The following NFAT5 variants were observed in gnomAD, a reference collection of about 807,000 sequenced individuals.
NFAT5 encodes the protein nuclear factor of activated T cells 5, also known as nuclear factor of activated T-cells 5.
Under a neutral mutation model 166.5 loss-of-function variants are expected in NFAT5, and 31 were observed. The observed-to-expected ratio is 0.19, with a 90% CI of 0.14 to 0.25. NFAT5 has a LOEUF of 0.25. Ranked by LOEUF, NFAT5 falls within the 10% of genes least tolerant of loss-of-function variation. NFAT5 has a pLI of 1.00. For missense variants in NFAT5, 1,449 were observed against 1,821.8 expected, an observed-to-expected ratio of 0.80 and a Z score of 3.72; for synonymous variants, 612 against 639.7, an observed-to-expected ratio of 0.96 and a Z score of 0.65.
chr16:69,660,954 G>A (rs2036100603), intron 7 of NFAT5, among the ~76,000 whole-genome samples: 1 of 151,848 alleles, frequency 6.6e-6, no homozygotes, highest in African/African-American at 2.4e-5. Flanking sequence ...GATTACAGGT[G>A]TGTGCCACTA....
In NFAT5 at chr16:69,690,911, CTT is replaced by C. The variant is rs1018450608; in HGVS notation, c.1775-26_1775-25del. On this transcript the variant is annotated intron_variant, in intron 11 of 14. Coordinates refer to ENST00000349945, the MANE Select transcript of NFAT5 (RefSeq NM_138713.4). Reference sequence around the variant, plus strand: ...AGTTGGTAAATTTTGTGATTTTAAACTTTTCTTTTTGTGTGTGTGTATATGCA... The same window carrying C: ...AGTTGGTAAATTTTGTGATTTTAAACTTCTTTTTGTGTGTGTGTATATGCA... The C allele has an allele frequency of 2.8e-6, 4 of 1,439,610 alleles. No individual in the cohort carries two copies. In the African/African-American group the frequency reaches 5.8e-5, roughly 21 times the overall value. 89.2% of individuals were successfully genotyped at this position (1,439,610 alleles called of 1,614,324 possible).
chr16:69,591,000 C>T (rs1213437374), intron 2 of NFAT5, among the ~76,000 whole-genome samples: 1 of 152,136 alleles, frequency 6.6e-6, no homozygotes, highest in African/African-American at 2.4e-5. Flanking sequence ...GGCGTAATCT[C>T]GGCTCACTGC....
intron 11 of NFAT5, among the ~76,000 whole-genome samples, chr16:69,686,754 C>T (rs940692779): frequency 6.6e-6 from 1 of 151,840 alleles, no homozygotes; most frequent in Non-Finnish European, 1.5e-5. Flanking sequence ...ATCCCAGCTG[C>T]TTGGGAGATT....
intron 2 of NFAT5, among the ~76,000 whole-genome samples, chr16:69,584,906 A>G (rs901170098): frequency 5.9e-5 from 9 of 152,134 alleles, no homozygotes; most frequent in African/African-American, 2.2e-4. Flanking sequence ...TAAAATATGT[A>G]TATATATACA....
intron 7 of NFAT5, among the ~76,000 whole-genome samples, chr16:69,667,137 A>T (rs2036418767): frequency 7.4e-6 from 1 of 135,836 alleles, no homozygotes; most frequent in Non-Finnish European, 1.5e-5. Context: ...ACACATGGAC[A>T]CAGGAAGGGG....
intron 3 of NFAT5, among the ~76,000 whole-genome samples, chr16:69,644,532 ATG>A (rs2035352802): frequency 6.6e-6 from 1 of 152,166 alleles, no homozygotes. Context: ...TCCATGGAAA[ATG>A]TATAGAATAT....
chr16:69,667,977 C>A (rs1477922540), intron 7 of NFAT5, among the ~76,000 whole-genome samples: 1 of 151,722 alleles, frequency 6.6e-6, no homozygotes, highest in Non-Finnish European at 1.5e-5. Context: ...TTGTTTGTTT[C>A]TTTTTTTAGA....
intron 2 of NFAT5, among the ~76,000 whole-genome samples, chr16:69,572,906 G>A (rs949641555): frequency 6.6e-6 from 1 of 152,110 alleles, no homozygotes; most frequent in African/African-American, 2.4e-5. Context: ...GCAGTGGCAT[G>A]ATCTCAGCTC....
intron 2 of NFAT5, among the ~76,000 whole-genome samples, chr16:69,623,659 C>T (rs769085365): frequency 2.0e-5 from 3 of 151,948 alleles, no homozygotes; most frequent in Non-Finnish European, 2.9e-5. Flanking sequence ...AGGCATGCAC[C>T]ACCATGTCCG....
intron 2 of NFAT5, among the ~76,000 whole-genome samples, chr16:69,625,410 C>T (rs1045462500): frequency 1.6e-4 from 25 of 151,886 alleles, no homozygotes; most frequent in Admixed American, 1.4e-3. Flanking sequence ...CAAAAGTAAT[C>T]GTAATCTAAT....
In NFAT5 at chr16:69,670,325, C is replaced by T. The variant is rs758994890; in HGVS notation, c.1557+37C>T. ...GCTTTTTTTATAATTTGGTTATTTA[C>T]TCTCTGAGCAATTCAGTTTTGTTTT... On this transcript the variant is annotated intron_variant, in intron 9 of 14. Coordinates refer to ENST00000349945, the MANE Select transcript of NFAT5 (RefSeq NM_138713.4). The T allele has an allele frequency of 9.3e-6, 12 of 1,294,510 alleles. No individual in the cohort carries two copies. The Admixed American group carries it at 1.1e-4, about 12-fold the overall frequency. 80.2% of individuals were successfully genotyped at this position (1,294,510 alleles called of 1,614,324 possible). A position where few individuals can be genotyped will look rare whatever the true frequency, so the allele number is the denominator to read the frequency against.
At chr16:69,627,751 G>A (rs544860068) in intron 3 of NFAT5, among the ~76,000 whole-genome samples, 1 of 152,202 alleles carries the variant, frequency 6.6e-6, no homozygotes, top group South Asian at 2.1e-4. Context: ...AGTTTCTGTG[G>A]ATTTAATTGT....
At chr16:69,585,334 G>A (rs1239764534) in intron 2 of NFAT5, among the ~76,000 whole-genome samples, 1 of 151,526 alleles carries the variant, frequency 6.6e-6, no homozygotes, top group African/African-American at 2.4e-5. Flanking sequence ...TAATTGTGTG[G>A]GGCTGTCTCT....
At chr16:69,638,162 C>T (rs561896790) in intron 3 of NFAT5, among the ~76,000 whole-genome samples, 5 of 151,726 alleles carry the variant, frequency 3.3e-5, no homozygotes, top group South Asian at 2.1e-4. Flanking sequence ...GAGGTTGCAG[C>T]GAGCCGAGAT....
intron 3 of NFAT5, chr16:69,632,558 T>C (rs892723869): frequency 6.6e-6 from 1 of 152,194 alleles, no homozygotes; most frequent in African/African-American, 2.4e-5. Context: ...TAAAAGTGAT[T>C]TCTAGCAACA....
At chr16:69,616,522 T>C (rs1229127533) in intron 2 of NFAT5, among the ~76,000 whole-genome samples, 1 of 152,102 alleles carries the variant, frequency 6.6e-6, no homozygotes, top group African/African-American at 2.4e-5. Flanking sequence ...TCCATCCATA[T>C]GGAGATTTGC....
chr16:69,622,715 G>T (rs766178164), intron 2 of NFAT5, among the ~76,000 whole-genome samples: 1 of 151,720 alleles, frequency 6.6e-6, no homozygotes, highest in Non-Finnish European at 1.5e-5. Flanking sequence ...CATGCTATTA[G>T]TGATTGGGCT....
chr16:69,657,150 A>G (rs1305065835), intron 6 of NFAT5, among the ~76,000 whole-genome samples: 1 of 150,292 alleles, frequency 6.7e-6, no homozygotes, highest in Non-Finnish European at 1.5e-5. Flanking sequence ...TTTTTTTTGG[A>G]GAGGGAGTCT....
At position 69,684,990 on chromosome 16, in the gene NFAT5, C is replaced by A. The variant is rs1336373643; in HGVS notation, c.1774+20C>A. The A allele has an allele frequency of 1.3e-6, 2 of 1,574,340 alleles. No homozygotes were observed. The highest frequency in any genetic ancestry group is 1.4e-5 in the African/African-American group (1 of 73,736). On this transcript the variant is annotated intron_variant, in intron 11 of 14. Coordinates refer to ENST00000349945, the MANE Select transcript of NFAT5 (RefSeq NM_138713.4). ...TGAAAGGTACCAAGTAAATTCTTCTCAAAAATCGTAATTGGGTGCTCCTGT... is the reference window on the plus strand; with the variant it reads ...TGAAAGGTACCAAGTAAATTCTTCTAAAAAATCGTAATTGGGTGCTCCTGT...
Sources: allele counts gnomAD v4.1 joint callset (sites outside exome capture counted in the v4.1 genomes callset), GRCh38; gene constraint gnomAD v4.1.1; transcripts MANE v1.5; gene names NCBI Gene and HGNC (gene_info 2026-07-23, HGNC 2026-07-21).